Variants in SPOCK3 observed in about 807,000 individuals in gnomAD.
SPOCK3 encodes testican-3.
Under a neutral mutation model 56.6 loss-of-function variants are expected in SPOCK3, and 30 were observed. The observed-to-expected ratio is 0.53, with a 90% CI of 0.40 to 0.72. The LOEUF (loss-of-function observed/expected upper bound fraction) is 0.72. Ranked by LOEUF, SPOCK3 falls within the 30% of genes least tolerant of loss-of-function variation. The pLI is 0.00. For synonymous variants in SPOCK3, 196 were observed against 183.3 expected (o/e 1.07, Z -0.56); for missense variants, 527 against 530.0 (o/e 0.99, Z 0.06).
At chr4:166,919,943 ATT>A (rs1329179597) in intron 4 of SPOCK3, among the ~76,000 whole-genome samples, 1 of 152,192 alleles carries the variant, frequency 6.6e-6, no homozygotes, top group Non-Finnish European at 1.5e-5. Flanking sequence ...CTAAGGTTAG[ATT>A]TACATGTATG....
chr4:167,231,207 T>C (rs1275732862), intron 2 of SPOCK3, among the ~76,000 whole-genome samples: 2 of 152,014 alleles, frequency 1.3e-5, no homozygotes, highest in Non-Finnish European at 2.9e-5. Flanking sequence ...TATTTTTAAA[T>C]ATTATTTAAG....
chr4:167,070,478 G>A (rs1248109581), intron 2 of SPOCK3, among the ~76,000 whole-genome samples: 5 of 151,692 alleles, frequency 3.3e-5, no homozygotes, highest in Non-Finnish European at 7.4e-5. Context: ...GAGTTGGGAG[G>A]GAAATTTTCT....
At chr4:167,040,473 C>T in intron 3 of SPOCK3, among the ~76,000 whole-genome samples, 1 of 152,092 alleles carries the variant, frequency 6.6e-6, no homozygotes, top group East Asian at 1.9e-4. Flanking sequence ...TGCTGTTAGC[C>T]TCAAATTAGA....
intron 2 of SPOCK3, among the ~76,000 whole-genome samples, chr4:167,173,772 A>G (rs755572227): frequency 1.5e-4 from 23 of 149,774 alleles, no homozygotes; most frequent in Admixed American, 3.3e-4. Flanking sequence ...GACAAAAAAG[A>G]AGGAGGAGGA....
intron 2 of SPOCK3, among the ~76,000 whole-genome samples, chr4:167,066,843 AC>A (rs1756188073): frequency 6.6e-6 from 1 of 151,934 alleles, no homozygotes; most frequent in South Asian, 2.1e-4. Context: ...TAAACACCAC[AC>A]CCAGTATGGA....
intron 4 of SPOCK3, among the ~76,000 whole-genome samples, chr4:166,947,663 T>G (rs1378776112): frequency 1.3e-5 from 2 of 152,188 alleles, no homozygotes; most frequent in Non-Finnish European, 2.9e-5. Flanking sequence ...GATCCCAGTT[T>G]TGTTGCTTAA....
Position 167,055,815 on chromosome 4 carries a change from G to A in SPOCK3, c.235+6677C>T, listed in dbSNP as rs556141298. 6.7e-4 allele frequency among the ~76,000 whole-genome samples: 102 copies of A among 152,316 alleles called. 1 individual carries two copies. The highest frequency in any genetic ancestry group is 2.4e-3 in the African/African-American group (99 of 41,582). On this transcript the variant is annotated intron_variant, in intron 3 of 10. Coordinates refer to ENST00000357545, the MANE Select transcript of SPOCK3 (RefSeq NM_001040159.2). ...GCAGCCAGGAAGCTTGAACTGGGTG[G>A]AGCCCACCACAGCTCAAGGAGGCCT...
chr4:166,739,704 C>T (rs1579076679), intron 9 of SPOCK3, among the ~76,000 whole-genome samples: 2 of 147,370 alleles, frequency 1.4e-5, no homozygotes, highest in African/African-American at 2.5e-5. Context: ...TATTTTCTGA[C>T]TTTTTTTTTT....
At chr4:166,949,886 G>C (rs56752646) in intron 4 of SPOCK3, among the ~76,000 whole-genome samples, 17,390 of 149,400 alleles carry the variant, frequency 0.12, 1,291 homozygotes, top group Admixed American at 0.24. Context: ...AGCAAATGCT[G>C]AGCAATTTTG....
chr4:167,065,766 T>C (rs1368976723), intron 2 of SPOCK3, among the ~76,000 whole-genome samples: 1 of 151,894 alleles, frequency 6.6e-6, no homozygotes, highest in South Asian at 2.1e-4. Context: ...TTCACATAAG[T>C]GTTCATTCAG....
chr4:166,811,604 T>C (rs527387252), intron 6 of SPOCK3, among the ~76,000 whole-genome samples: 1 of 151,988 alleles, frequency 6.6e-6, no homozygotes, highest in South Asian at 2.1e-4. Flanking sequence ...CAAAGTTACT[T>C]GTACAGAATG....
At chr4:166,876,435 A>G (rs1313574901) in intron 6 of SPOCK3, among the ~76,000 whole-genome samples, 1 of 152,202 alleles carries the variant, frequency 6.6e-6, no homozygotes, top group African/African-American at 2.4e-5. Flanking sequence ...ACAAAAACTT[A>G]TGGCCTGGGG....
At chr4:167,020,575 C>T (rs936438432) in intron 3 of SPOCK3, among the ~76,000 whole-genome samples, 3 of 151,976 alleles carry the variant, frequency 2.0e-5, no homozygotes, top group South Asian at 2.1e-4. Flanking sequence ...AGTGTTCATA[C>T]GTCCCTTGTG....
intron 6 of SPOCK3, among the ~76,000 whole-genome samples, chr4:166,818,510 G>A (rs1026364520): frequency 1.3e-5 from 2 of 151,752 alleles, no homozygotes; most frequent in African/African-American, 2.4e-5. Flanking sequence ...ACTTACTTTC[G>A]ATTTATGTAA....
chr4:166,976,282 A>G (rs1016346987), intron 4 of SPOCK3, among the ~76,000 whole-genome samples: 3 of 152,174 alleles, frequency 2.0e-5, no homozygotes, highest in Admixed American at 1.3e-4. Flanking sequence ...TGGCTCTTCA[A>G]TGTAAGTATT....
intron 6 of SPOCK3, among the ~76,000 whole-genome samples, chr4:166,817,997 G>A (rs1010702219): frequency 6.6e-6 from 1 of 151,974 alleles, no homozygotes; most frequent in African/African-American, 2.4e-5. Flanking sequence ...CTATTATAAT[G>A]TTCATTTTTT....
chr4:166,928,355 CTG>C (rs1247927141), intron 4 of SPOCK3, among the ~76,000 whole-genome samples: 2 of 152,200 alleles, frequency 1.3e-5, no homozygotes, highest in Admixed American at 1.3e-4. Context: ...ATTGAATAAA[CTG>C]TGGTATATCC....
intron 2 of SPOCK3, among the ~76,000 whole-genome samples, chr4:167,092,268 A>T (rs1758772431): frequency 6.6e-6 from 1 of 152,134 alleles, no homozygotes; most frequent in Admixed American, 6.6e-5. Context: ...GACCCAGAAA[A>T]CGTTAATCTC....
At chr4:167,034,247 C>CA (rs1320201018) in intron 3 of SPOCK3, among the ~76,000 whole-genome samples, 9 of 149,982 alleles carry the variant, frequency 6.0e-5, no homozygotes, top group African/African-American at 1.5e-4. Context: ...TTTTCTTGTG[C>CA]AAAAAAGGCA....
Sources: allele counts gnomAD v4.1 joint callset (sites outside exome capture counted in the v4.1 genomes callset), GRCh38; gene constraint gnomAD v4.1.1; transcripts MANE v1.5; gene names NCBI Gene and HGNC (gene_info 2026-07-23, HGNC 2026-07-21).